FANCL: variants seen among roughly 807,000 people sequenced by gnomAD.
The protein encoded by FANCL is FA complementation group L.
In FANCL, 69 loss-of-function variants were observed where a neutral mutation model predicts 59.4. The observed-to-expected ratio is 1.16, with a 90% CI of 0.96 to 1.42. The LOEUF is 1.42. Among genes scored for constraint, FANCL ranks in the 40% most tolerant of loss-of-function variants. The pLI, the probability that FANCL is intolerant of heterozygous loss-of-function variation, is 0.00. For missense variants in FANCL, 519 were observed against 447.2 expected, an observed-to-expected ratio of 1.16 and a Z score of -1.45; for synonymous variants, 180 against 147.1, an observed-to-expected ratio of 1.22 and a Z score of -1.62.
rs928556657 is a variant in FANCL at position 58,230,497 on chromosome 2, T to C, written c.156-623A>G. On this transcript the variant is annotated intron_variant, in intron 2 of 13. Coordinates refer to ENST00000233741, the MANE Select transcript of FANCL (RefSeq NM_018062.4). ...AGATACATACTTCTAATTAATTGTATAAGAAGTGATAAGTTAATGTTCATC... is the reference window on the plus strand; with the variant it reads ...AGATACATACTTCTAATTAATTGTACAAGAAGTGATAAGTTAATGTTCATC... 6.6e-5 allele frequency among the ~76,000 whole-genome samples: 10 copies of C among 152,198 alleles called. No individual in the cohort carries two copies. In the South Asian group the frequency reaches 8.3e-4, roughly 13 times the overall value.
chr2:58,183,473 T>A (rs1688118441), intron 7 of FANCL, among the ~76,000 whole-genome samples: 1 of 151,914 alleles, frequency 6.6e-6, no homozygotes, highest in Non-Finnish European at 1.5e-5. Context: ...CAAACCTCAG[T>A]GAAGAGGTCA....
chr2:58,219,096 G>A (rs1333647672), intron 5 of FANCL, among the ~76,000 whole-genome samples: 9 of 113,468 alleles, frequency 7.9e-5, no homozygotes, highest in African/African-American at 2.6e-4. Context: ...GAAAGGGCAG[G>A]AAATATACAA....
intron 7 of FANCL, among the ~76,000 whole-genome samples, chr2:58,180,051 T>C (rs1288635069): frequency 6.6e-6 from 1 of 152,126 alleles, no homozygotes; most frequent in East Asian, 1.9e-4. Context: ...AGAATGGCGA[T>C]CATTAAAAAG....
At position 58,191,255 on chromosome 2, in the gene FANCL, T is replaced by C. The variant is rs1688891097; in HGVS notation, c.540+7339A>G. Among the ~76,000 whole-genome samples the C allele has an allele frequency of 2.0e-5, 3 of 151,896 alleles. No homozygotes were observed. In the South Asian group the frequency reaches 6.2e-4, roughly 31 times the overall value. Reference sequence around the variant, plus strand: ...TAAAATAAATTTGCTTCACTAATATTGAAAAAAATAATTTTTATCCAAAAG... The same window carrying C: ...TAAAATAAATTTGCTTCACTAATATCGAAAAAAATAATTTTTATCCAAAAG... On this transcript the variant is annotated intron_variant, in intron 7 of 13. Transcript: ENST00000233741.
chr2:58,175,039 A>C lies in FANCL; in HGVS notation c.541-9165T>G, dbSNP rs867138103. On this transcript the variant is annotated intron_variant, in intron 7 of 13. Coordinates refer to ENST00000233741, the MANE Select transcript of FANCL (RefSeq NM_018062.4). ...AAATAAACTAGAAAATCTAGAAGAA[A>C]TGGATAAATTCCTCGACACATACTC... 5.3e-5 allele frequency among the ~76,000 whole-genome samples: 8 copies of C among 152,060 alleles called. 1 individual carries two copies. The highest frequency in any genetic ancestry group is 3.4e-3 in the Middle Eastern group (1 of 294).
At chr2:58,175,400 A>G (rs1363078389) in intron 7 of FANCL, among the ~76,000 whole-genome samples, 1 of 150,598 alleles carries the variant, frequency 6.6e-6, no homozygotes, top group Admixed American at 6.6e-5. Context: ...ATACTGGCAA[A>G]CAAAATCCAG....
intron 7 of FANCL, among the ~76,000 whole-genome samples, chr2:58,190,681 T>C (rs1212467199): frequency 1.3e-5 from 2 of 151,838 alleles, no homozygotes; most frequent in African/African-American, 4.8e-5. Flanking sequence ...AGTTCAAAAC[T>C]AATAGAAAGA....
intron 7 of FANCL, among the ~76,000 whole-genome samples, chr2:58,174,279 C>G (rs1356638792): frequency 1.3e-5 from 2 of 152,148 alleles, no homozygotes; most frequent in African/African-American, 4.8e-5. Context: ...AGCTCTGCAC[C>G]AAGCAGACCT....
At chr2:58,227,996 A>C (rs1223717805) in intron 3 of FANCL, among the ~76,000 whole-genome samples, 1 of 152,196 alleles carries the variant, frequency 6.6e-6, no homozygotes, top group Non-Finnish European at 1.5e-5. Context: ...AAAATATAAA[A>C]ATCAGGCAAC....
rs779903784 is a variant in FANCL at position 58,159,409 on chromosome 2, A to T, written c.*356T>A. On this transcript the variant is annotated 3_prime_UTR_variant, in exon 14 of 14. Transcript: ENST00000233741. Reference sequence around the variant, plus strand: ...TCAAGAACCTTTGAATGAAGTAAACAGTTTCCCACAAAAAATCAGCTATAC... The same window carrying T: ...TCAAGAACCTTTGAATGAAGTAAACTGTTTCCCACAAAAAATCAGCTATAC... 3 of 1,613,466 alleles carry T rather than the reference A, an allele frequency of 1.9e-6. No homozygotes were observed. The African/African-American group carries it at 4.0e-5, about 22-fold the overall frequency.
chr2:58,236,631 T>C (rs535880971), intron 1 of FANCL, among the ~76,000 whole-genome samples: 63 of 152,066 alleles, frequency 4.1e-4, no homozygotes, highest in Non-Finnish European at 7.4e-4. Flanking sequence ...TCCAACCATA[T>C]GAATAACCAC....
At chr2:58,218,099 C>T (rs1482967642) in intron 5 of FANCL, among the ~76,000 whole-genome samples, 1 of 151,816 alleles carries the variant, frequency 6.6e-6, no homozygotes, top group African/African-American at 2.4e-5. Flanking sequence ...AAAGAAATCA[C>T]AATGAAAATT....
chr2:58,221,029 C>A (rs1166887769), intron 5 of FANCL, among the ~76,000 whole-genome samples: 2 of 150,968 alleles, frequency 1.3e-5, no homozygotes, highest in Non-Finnish European at 3.0e-5. Flanking sequence ...CTGGCTAACA[C>A]GGTGAAACCC....
At chr2:58,222,190 G>A (rs935155339) in intron 4 of FANCL, 148 bp from the exon 5 acceptor site, 38 of 597,468 alleles carry the variant, frequency 6.4e-5, no homozygotes, top group Non-Finnish European at 9.9e-5. Flanking sequence ...TCATTCCCCT[G>A]CTCATGAAAA....
chr2:58,201,472 A>C (rs780083917), intron 6 of FANCL, among the ~76,000 whole-genome samples: 1 of 151,938 alleles, frequency 6.6e-6, no homozygotes, highest in Non-Finnish European at 1.5e-5. Flanking sequence ...ATTTTAACCA[A>C]GTCTGTTCTG....
At chr2:58,160,332 G>A in intron 12 of FANCL, among the ~76,000 whole-genome samples, 153 bp from the exon 13 acceptor site, 1 of 151,956 alleles carries the variant, frequency 6.6e-6, no homozygotes, top group Non-Finnish European at 1.5e-5. Flanking sequence ...TGTATTTCCT[G>A]AGCCAATAGC....
intron 7 of FANCL, among the ~76,000 whole-genome samples, chr2:58,192,701 G>A (rs868494423): frequency 4.6e-5 from 7 of 151,826 alleles, no homozygotes; most frequent in Middle Eastern, 3.2e-3. Context: ...ATTATCTACG[G>A]TGGAATTTAG....
intron 7 of FANCL, among the ~76,000 whole-genome samples, chr2:58,166,187 T>C (rs1165020444): frequency 1.3e-5 from 2 of 152,126 alleles, no homozygotes; most frequent in African/African-American, 4.8e-5. Context: ...TACACACAAC[T>C]TTAATAAATA....
intron 3 of FANCL, among the ~76,000 whole-genome samples, chr2:58,227,768 T>A (rs1693169178): frequency 6.6e-6 from 1 of 152,200 alleles, no homozygotes; most frequent in African/African-American, 2.4e-5. Flanking sequence ...CCTAGGTCAG[T>A]GGGCACAGGC....
Sources: gnomAD v4.1 joint callset for allele counts (sites outside exome capture counted in the v4.1 genomes callset) on GRCh38, gnomAD v4.1.1 for gene constraint, MANE v1.5 for transcripts, NCBI Gene and HGNC (gene_info 2026-07-23, HGNC 2026-07-21) for gene names.